The following BCL7C variants were observed in gnomAD, a reference collection of about 807,000 sequenced individuals.
BCL7C encodes the protein BAF chromatin remodeling complex subunit BCL7C, also known as B-cell CLL/lymphoma 7 protein family member C.
Under a neutral mutation model 26.2 loss-of-function variants are expected in BCL7C, and 8 were observed. The ratio of observed to expected loss-of-function variants is 0.30; its 90% CI spans 0.18 to 0.55. The LOEUF (loss-of-function observed/expected upper bound fraction) is 0.55, where lower values mean the gene tolerates loss of function less well. Ranked by LOEUF, BCL7C falls within the 20% of genes least tolerant of loss-of-function variation. The pLI is 0.93. For missense variants in BCL7C, 262 were observed against 298.5 expected (o/e 0.88, Z 0.90); for synonymous variants, 90 against 116.5 (o/e 0.77, Z 1.47).
intron 5 of BCL7C, among the ~76,000 whole-genome samples, chr16:30,865,887 CTAATT>C: frequency 1.7e-5 from 1 of 60,040 alleles, no homozygotes; most frequent in Non-Finnish European, 3.1e-5. Context: ...CCACAGTGCC[CTAATT>C]TTTTTTTTTT....
At chr16:30,882,559 C>T (rs114556974) in intron 5 of BCL7C, among the ~76,000 whole-genome samples, 16 of 152,280 alleles carry the variant, frequency 1.1e-4, no homozygotes, top group African/African-American at 3.6e-4. Context: ...GTGGAGCAGC[C>T]AGTGTGAGCA....
downstream of BCL7C, among the ~76,000 whole-genome samples, chr16:30,884,428 G>A (rs1193415977): frequency 6.6e-6 from 1 of 151,278 alleles, no homozygotes; most frequent in East Asian, 1.9e-4. Context: ...TCCATGTGTG[G>A]CCTAATTTAA....
intron 5 of BCL7C, among the ~76,000 whole-genome samples, chr16:30,856,723 A>C (rs1042443274): frequency 2.0e-5 from 3 of 152,166 alleles, no homozygotes; most frequent in Non-Finnish European, 4.4e-5. Flanking sequence ...TGTGTGTCTC[A>C]GTGTTCCAAA....
In BCL7C at chr16:30,856,217, G is replaced by A. The variant is rs1301096636; in HGVS notation, c.529-21069C>T. Among the ~76,000 whole-genome samples, 5 of 151,578 alleles carry A rather than the reference G, an allele frequency of 3.3e-5. No homozygotes were observed. The East Asian group carries it at 7.7e-4, about 23-fold the overall frequency. ...AGCACTTTGGGAGGCTGAGGCGGGC[G>A]GATCACGAGGTCAGGAGATTGAGAC... is the stretch of plus-strand genomic sequence containing the variant. On this transcript the variant is annotated intron_variant, in intron 5 of 5. Coordinates refer to the BCL7C transcript ENST00000380317.
chr16:30,879,700 A>AAAAACAAAAAAAC (rs1555482423), intron 5 of BCL7C, among the ~76,000 whole-genome samples: 3 of 135,004 alleles, frequency 2.2e-5, no homozygotes, highest in African/African-American at 7.7e-5. Flanking sequence ...AAAAAAAAAA[A>AAAAACAAAAAAAC]AAAAAAAAAC....
At position 30,892,619 on chromosome 16, in the gene BCL7C, C is replaced by T. The variant is rs1221062880; in HGVS notation, c.409G>A (p.Glu137Lys). The stretch of plus-strand genomic sequence containing the variant: ...TGGCCCAGCCGTGGGGGCTGAGCCT[C>T]CTCAGGGACCCCTTCTGGGGGTCCG... Reference protein sequence around the residue: ...PAGPPEGVPEEAQPPRLGQER... With the variant: ...PAGPPEGVPEKAQPPRLGQER... Residue 137 changes from glutamate (E) to lysine (K), a missense_variant, in exon 4 of 6, where the codon GAG becomes AAG. Glu to Lys is a moderately conservative substitution (Grantham distance 56, BLOSUM62 1). Coordinates refer to ENST00000215115, the MANE Select transcript of BCL7C (RefSeq NM_004765.4). 1.2e-6 allele frequency: 2 copies of T among 1,601,968 alleles called. No individual in the cohort carries two copies. The highest frequency in any genetic ancestry group is 1.3e-5 in the African/African-American group (1 of 74,418).
At chr16:30,879,309 T>G (rs910291110) in intron 5 of BCL7C, among the ~76,000 whole-genome samples, 5 of 152,100 alleles carry the variant, frequency 3.3e-5, no homozygotes, top group African/African-American at 1.2e-4. Context: ...GAAAAGGCTG[T>G]CCATCTCCCT....
rs1188378272 is a variant in BCL7C at position 30,834,640 on chromosome 16, C to T, written c.*308G>A. On this transcript the variant is annotated 3_prime_UTR_variant, in exon 6 of 6. Transcript: ENST00000380317. The surrounding 1 kb of genome is among the most constrained non-coding windows in gnomAD (Gnocchi z 4.3). ...ACTCAGACCGCTGGGAGGGTGGCCG[C>T]ATGGGTGCGTGAGGAGGTGGGCGAG... The T allele has an allele frequency of 8.8e-6, 2 of 226,262 alleles. No individual in the cohort carries two copies. Among genetic ancestry groups the T allele is most frequent in the African/African-American group, 4.6e-5 (2 of 43,928 alleles). The allele number at this position is 226,262 out of a possible 1,614,324, so 14.0% of individuals were successfully genotyped here. A position where few individuals can be genotyped will look rare whatever the true frequency, so the allele number is the denominator to read the frequency against.
intron 5 of BCL7C, among the ~76,000 whole-genome samples, chr16:30,841,077 C>G (rs2054598945): frequency 6.6e-6 from 1 of 152,140 alleles, no homozygotes; most frequent in African/African-American, 2.4e-5. Flanking sequence ...AAGAACTGAC[C>G]TAATCTGCTC....
At chr16:30,882,936 G>GA (rs760878958), downstream of BCL7C, among the ~76,000 whole-genome samples, 3 of 152,208 alleles carry the variant, frequency 2.0e-5, no homozygotes, top group Non-Finnish European at 4.4e-5. Flanking sequence ...TGGCTCCTGG[G>GA]ATGGTAGGAA....
chr16:30,867,138 CAA>C (rs2054836327), intron 5 of BCL7C, among the ~76,000 whole-genome samples: 1 of 152,012 alleles, frequency 6.6e-6, no homozygotes, highest in Admixed American at 6.6e-5. Flanking sequence ...GCACATAAAA[CAA>C]AGTGACAAAA....
downstream of BCL7C, among the ~76,000 whole-genome samples, chr16:30,883,460 C>T (rs1291663128): frequency 6.9e-6 from 1 of 144,634 alleles, no homozygotes; most frequent in Admixed American, 6.7e-5. Context: ...AAGCGAGCCT[C>T]CCGCCTCAGC....
chr16:30,862,257 C>T (rs996777468), intron 5 of BCL7C, among the ~76,000 whole-genome samples: 3 of 152,118 alleles, frequency 2.0e-5, no homozygotes, highest in Admixed American at 2.0e-4. Context: ...ACAGCCACAC[C>T]TCAATACCTC....
chr16:30,845,483 A>T (rs1417393016), intron 5 of BCL7C, among the ~76,000 whole-genome samples: 3 of 152,114 alleles, frequency 2.0e-5, no homozygotes, highest in African/African-American at 7.2e-5. Flanking sequence ...AGTTTCCTAC[A>T]GTTCTTGGTT....
chr16:30,848,457 A>G (rs2031906273), intron 5 of BCL7C, among the ~76,000 whole-genome samples: 1 of 152,194 alleles, frequency 6.6e-6, no homozygotes, highest in African/African-American at 2.4e-5. Flanking sequence ...CCACCAGGCA[A>G]TCTAATTTCT....
At chr16:30,891,905 A>G (rs1409543180) in intron 4 of BCL7C, among the ~76,000 whole-genome samples, 1 of 145,264 alleles carries the variant, frequency 6.9e-6, no homozygotes, top group Non-Finnish European at 1.5e-5. Context: ...TTGAGGCTGC[A>G]GTGAGCTATG....
chr16:30,839,195 C>T (rs760248408), intron 5 of BCL7C, among the ~76,000 whole-genome samples: 37 of 152,194 alleles, frequency 2.4e-4, no homozygotes, highest in Non-Finnish European at 3.8e-4. Context: ...TACAAAGTTG[C>T]TAAGAATTTA....
chr16:30,875,446 G>A (rs1423811334), intron 5 of BCL7C: 1 of 152,378 alleles, frequency 6.6e-6, no homozygotes, highest in Admixed American at 6.5e-5. Flanking sequence ...CCCTTCCCAA[G>A]GCTGCGCCGC....
At chr16:30,891,937 G>T (rs7206294) in intron 4 of BCL7C, among the ~76,000 whole-genome samples, 139,986 of 147,612 alleles carry the variant, frequency 0.95, 66,854 homozygotes, top group East Asian at 1. Context: ...GTACTCCAGC[G>T]TGGGTGACAG....
Sources: allele counts gnomAD v4.1 joint callset (sites outside exome capture counted in the v4.1 genomes callset), GRCh38; gene constraint gnomAD v4.1.1; non-coding constraint Gnocchi (gnomAD v3.1); transcripts MANE v1.5; gene names NCBI Gene and HGNC (gene_info 2026-07-23, HGNC 2026-07-21).